The following PCDHA5 variants were observed in gnomAD, a reference collection of about 807,000 sequenced individuals.
PCDHA5 encodes protocadherin alpha-5.
PCDHA5 carries 43 observed loss-of-function variants against 61.6 expected under a neutral mutation model. That is an observed-to-expected ratio of 0.70 (90% CI 0.55 to 0.90). PCDHA5 has a LOEUF of 0.90. Among genes scored for constraint, PCDHA5 ranks in the 40% least tolerant of loss-of-function variants. The pLI, the probability that PCDHA5 is intolerant of heterozygous loss-of-function variation, is 0.00. For synonymous variants in PCDHA5, 627 were observed against 543.9 expected (o/e 1.15, Z -2.13); for missense variants, 1,298 against 1,222.7 (o/e 1.06, Z -0.92).
intron 1 of PCDHA5, chr5:140,857,354 G>T (rs1449369579): frequency 6.3e-7 from 1 of 1,598,378 alleles, no homozygotes. Context: ...TCCGCTGTGG[G>T]CCACGGCCAG....
At chr5:140,826,108 A>C (rs1252391414) in intron 1 of PCDHA5, among the ~76,000 whole-genome samples, 1 of 152,218 alleles carries the variant, frequency 6.6e-6, no homozygotes, top group East Asian at 1.9e-4. Context: ...CATGCTATTT[A>C]TATATTCCTA....
chr5:140,853,550 A>G lies in PCDHA5; in HGVS notation c.2352+29423A>G, dbSNP rs1220580978. The G allele has an allele frequency of 5.1e-6, 5 of 979,400 alleles. 1 individual carries two copies. Among genetic ancestry groups the G allele is most frequent in the Non-Finnish European group, 6.2e-6 (5 of 811,998 alleles). 60.7% of individuals were successfully genotyped at this position (979,400 alleles called of 1,614,324 possible). A position where few individuals can be genotyped will look rare whatever the true frequency, so the allele number is the denominator to read the frequency against. On this transcript the variant is annotated intron_variant, in intron 1 of 3. Transcript: ENST00000529859. The stretch of plus-strand genomic sequence containing the variant: ...TGTCTCTTTTCAAGTTGTAATTACT[A>G]TATAGGAAAAACTAAGTTGTCACCC...
At chr5:140,974,690 T>G (rs2096636717) in intron 1 of PCDHA5, among the ~76,000 whole-genome samples, 4 of 152,236 alleles carry the variant, frequency 2.6e-5, no homozygotes, top group Admixed American at 2.6e-4. Context: ...TTTGTATTTT[T>G]GGGTTTCACC....
At chr5:140,941,618 C>A (rs532721732) in intron 1 of PCDHA5, among the ~76,000 whole-genome samples, 1 of 151,904 alleles carries the variant, frequency 6.6e-6, no homozygotes, top group African/African-American at 2.4e-5. Context: ...CCCAGCCCAT[C>A]CTGCTTCTTA....
In PCDHA5 at chr5:140,856,910, A is replaced by G. The variant is rs782378927; in HGVS notation, c.2352+32783A>G. On this transcript the variant is annotated intron_variant, in intron 1 of 3. Coordinates refer to ENST00000529859, the MANE Select transcript of PCDHA5 (RefSeq NM_018908.3). ...ATTTAGCTCTTTGGTCCCACCCACG[A>G]TAAGAAGGAAATTTTGGATAAACGA... 4.4e-6 allele frequency: 7 copies of G among 1,596,308 alleles called. No individual in the cohort carries two copies. In the South Asian group the frequency reaches 4.4e-5, roughly 10 times the overall value.
chr5:140,935,157 A>G (rs982054485), intron 1 of PCDHA5, among the ~76,000 whole-genome samples: 1 of 152,214 alleles, frequency 6.6e-6, no homozygotes, highest in Non-Finnish European at 1.5e-5. Context: ...TATAATCTCA[A>G]CAACAGGTGT....
In PCDHA5 at chr5:140,875,510, G is replaced by T. The variant is rs186070067; in HGVS notation, c.2352+51383G>T. The stretch of plus-strand genomic sequence containing the variant: ...GGACCAAGAGGCCCGGGATCCCAGC[G>T]TCTGCTGCTCTCGCTTCTGCTCCTT... On this transcript the variant is annotated intron_variant, in intron 1 of 3. Transcript: ENST00000529859. 1.2e-5 allele frequency: 19 copies of T among 1,613,812 alleles called. No homozygotes were observed. Among genetic ancestry groups the T allele is most frequent in the Non-Finnish European group, 1.6e-5 (19 of 1,179,784 alleles).
At chr5:140,836,327 G>C in intron 1 of PCDHA5, 1 of 1,613,772 alleles carries the variant, frequency 6.2e-7, no homozygotes, top group Non-Finnish European at 8.5e-7. Flanking sequence ...ACCGCCTTCT[G>C]GTGCTTGTGA....
chr5:140,835,934 G>T, intron 1 of PCDHA5: 1 of 1,612,552 alleles, frequency 6.2e-7, no homozygotes, highest in South Asian at 1.1e-5. Context: ...GCGGCAAGGT[G>T]TACGCGCTGC....
intron 1 of PCDHA5, among the ~76,000 whole-genome samples, chr5:140,831,493 A>G (rs1458083033): frequency 1.2e-5 from 1 of 84,180 alleles, no homozygotes; most frequent in Non-Finnish European, 2.4e-5. Context: ...TGGAGTTACT[A>G]CACACGAGCA....
chr5:140,842,208 A>C, intron 1 of PCDHA5: 1 of 1,613,638 alleles, frequency 6.2e-7, no homozygotes, highest in Non-Finnish European at 8.5e-7. Flanking sequence ...TTTAGCATAG[A>C]TCGAAATACG....
Position 140,823,017 on chromosome 5 carries a change from C to T in PCDHA5, c.1242C>T (p.Arg414=). ...YSLVLDSALD[R]ESVSVYELVV... ...TGGTGCTGGACAGCGCCCTGGACCG[C>T]GAGAGCGTGTCGGTCTATGAGCTGG... The change falls in exon 1 of 4, where the codon CGC becomes CGT. Residue 414 remains arginine (R), a synonymous_variant. Coordinates refer to ENST00000529859, the MANE Select transcript of PCDHA5 (RefSeq NM_018908.3). 1 of 1,614,228 alleles carries T rather than the reference C, an allele frequency of 6.2e-7. No individual in the cohort carries two copies. The highest frequency in any genetic ancestry group is 1.7e-5 in the Admixed American group (1 of 60,036).
At chr5:140,928,337 AT>A (rs549164954) in intron 1 of PCDHA5, 7 of 1,613,944 alleles carry the variant, frequency 4.3e-6, no homozygotes, top group Non-Finnish European at 5.9e-6. Flanking sequence ...CTTGTCTCTT[AT>A]GAGCTGTTGG....
intron 1 of PCDHA5, among the ~76,000 whole-genome samples, chr5:140,964,891 G>A (rs76642459): frequency 0.016 from 2,494 of 152,302 alleles, 68 homozygotes; most frequent in African/African-American, 0.056. Context: ...AGTGATAGGA[G>A]GCTGGGCGCT....
intron 1 of PCDHA5, chr5:140,884,024 G>A: frequency 6.2e-7 from 1 of 1,613,318 alleles, no homozygotes; most frequent in Non-Finnish European, 8.5e-7. Flanking sequence ...GCGGTCGGTG[G>A]GTGCAGGCCA....
chr5:140,927,110 G>A, intron 1 of PCDHA5: 2 of 1,613,752 alleles, frequency 1.2e-6, no homozygotes, highest in Non-Finnish European at 1.7e-6. Flanking sequence ...CTACCCAGCG[G>A]CAATTTGGTG....
chr5:140,834,543 C>A (rs1580783721), intron 1 of PCDHA5: 2 of 1,614,086 alleles, frequency 1.2e-6, no homozygotes, highest in Non-Finnish European at 1.7e-6. Flanking sequence ...GGACCTGGGG[C>A]TGGAGCTGGC....
intron 1 of PCDHA5, 41 bp from the exon 2 acceptor site, chr5:140,978,908 T>C: frequency 6.2e-7 from 1 of 1,613,772 alleles, no homozygotes; most frequent in Non-Finnish European, 8.5e-7. Context: ...GAGAACATTG[T>C]CTTGTCATTT....
At chr5:140,857,189 A>C (rs782018937) in intron 1 of PCDHA5, 1 of 1,598,598 alleles carries the variant, frequency 6.3e-7, no homozygotes, top group Non-Finnish European at 8.6e-7. Context: ...TTCAGGAGCC[A>C]ACGGACAGGT....
Sources: allele counts gnomAD v4.1 joint callset (sites outside exome capture counted in the v4.1 genomes callset), GRCh38; gene constraint gnomAD v4.1.1; transcripts MANE v1.5; gene names NCBI Gene and HGNC (gene_info 2026-07-23, HGNC 2026-07-21).